GBE1: variants seen among roughly 807,000 people sequenced by gnomAD.
GBE1 encodes 1,4-alpha-glucan branching enzyme 1.
Under a neutral mutation model 88.8 loss-of-function variants are expected in GBE1, and 70 were observed. The ratio of observed to expected loss-of-function variants is 0.79; its 90% confidence interval spans 0.65 to 0.96. The LOEUF (loss-of-function observed/expected upper bound fraction) is 0.96. GBE1 is among the 40% of genes least tolerant of loss of function. GBE1 has a pLI of 0.00. For synonymous variants in GBE1, 284 were observed against 300.1 expected (o/e 0.95, Z 0.56); for missense variants, 872 against 871.0 (o/e 1.00, Z -0.01).
chr3:81,712,318 T>C (rs185010758), intron 1 of GBE1, among the ~76,000 whole-genome samples: 37 of 152,284 alleles, frequency 2.4e-4, no homozygotes, highest in Non-Finnish European at 4.1e-4. Flanking sequence ...ACCCAAAGGA[T>C]TATAAATCAT....
intron 14 of GBE1, among the ~76,000 whole-genome samples, chr3:81,502,007 T>C (rs1161887261): frequency 6.6e-6 from 1 of 151,812 alleles, no homozygotes; most frequent in Admixed American, 6.6e-5. Context: ...TTTTTTTTTT[T>C]TTTTCTCTTA....
At chr3:81,705,713 A>C (rs1261788273) in intron 1 of GBE1, 100 bp from the exon 2 acceptor site, 11 of 666,706 alleles carry the variant, frequency 1.6e-5, no homozygotes, top group African/African-American at 1.9e-5. Context: ...CAGGGAAAAA[A>C]AGACATTATT....
intron 7 of GBE1, chr3:81,612,220 TAAAAAAAAAAAA>T (rs11404629): frequency 4.5e-6 from 1 of 221,192 alleles, no homozygotes; most frequent in African/African-American, 3.2e-5. Context: ...CACGCTCCTT[TAAAAAAAAAAAA>T]AAAAAAAAAA....
At chr3:81,734,244 T>C (rs1284510576) in intron 1 of GBE1, among the ~76,000 whole-genome samples, 1 of 152,150 alleles carries the variant, frequency 6.6e-6, no homozygotes, top group East Asian at 1.9e-4. Context: ...GTTGAAAAAC[T>C]TCAATTAAAA....
chr3:81,669,163 T>G (rs893033078), intron 3 of GBE1, among the ~76,000 whole-genome samples: 20 of 152,164 alleles, frequency 1.3e-4, no homozygotes, highest in Admixed American at 1.3e-3. Flanking sequence ...CTAGAACATT[T>G]GAGGGTCACA....
intron 3 of GBE1, among the ~76,000 whole-genome samples, chr3:81,662,163 G>A (rs1705041474): frequency 6.6e-6 from 1 of 152,080 alleles, no homozygotes; most frequent in African/African-American, 2.4e-5. Context: ...CTACCGACTA[G>A]CTGGGATTAC....
intron 1 of GBE1, among the ~76,000 whole-genome samples, chr3:81,750,563 GTA>G (rs747771179): frequency 0.011 from 594 of 53,590 alleles, 49 homozygotes; most frequent in South Asian, 0.023. Flanking sequence ...ATATATATAT[GTA>G]TATATATATA....
intron 7 of GBE1, among the ~76,000 whole-genome samples, chr3:81,617,643 C>T (rs1226988526): frequency 6.6e-6 from 1 of 151,738 alleles, no homozygotes; most frequent in Non-Finnish European, 1.5e-5. Flanking sequence ...AAGAATTTTG[C>T]TCCTAATTCA....
chr3:81,489,796 A>G lies in GBE1; in HGVS notation c.*611T>C, dbSNP rs184604532. 6.6e-6 allele frequency: 1 copy of G among 152,312 alleles called. No individual in the cohort carries two copies. The highest frequency in any genetic ancestry group is 6.5e-5 in the Admixed American group (1 of 15,290). The allele number at this position is 152,312 out of a possible 1,614,324, so 9.4% of individuals were successfully genotyped here. On this transcript the variant is annotated 3_prime_UTR_variant, in exon 16 of 16. Transcript: ENST00000429644. ...GCTTCAGAAAGACTGAGATACTGGCATTTAACAAGATACTTAGTGGACAAG... is the reference window on the plus strand; with the variant it reads ...GCTTCAGAAAGACTGAGATACTGGCGTTTAACAAGATACTTAGTGGACAAG...
chr3:81,530,188 C>G (rs1015605743), intron 14 of GBE1, among the ~76,000 whole-genome samples: 5 of 151,770 alleles, frequency 3.3e-5, no homozygotes, highest in Non-Finnish European at 5.9e-5. Context: ...ATTTCAATCT[C>G]TCTGTTAAAT....
chr3:81,687,289 T>C (rs1705455444), intron 2 of GBE1, among the ~76,000 whole-genome samples: 1 of 152,090 alleles, frequency 6.6e-6, no homozygotes, highest in African/African-American at 2.4e-5. Flanking sequence ...ATGGAGAGGC[T>C]GAGGGGAAAA....
chr3:81,505,968 A>G (rs770005289), intron 14 of GBE1, among the ~76,000 whole-genome samples: 1 of 152,090 alleles, frequency 6.6e-6, no homozygotes, highest in African/African-American at 2.4e-5. Flanking sequence ...AAACTATAAA[A>G]ACCCTGAAAG....
At chr3:81,551,152 T>A (rs1703267668) in intron 12 of GBE1, among the ~76,000 whole-genome samples, 1 of 152,218 alleles carries the variant, frequency 6.6e-6, no homozygotes, top group Non-Finnish European at 1.5e-5. Flanking sequence ...AGTGGTCATA[T>A]GTTTAACTAT....
intron 7 of GBE1, among the ~76,000 whole-genome samples, chr3:81,594,866 T>A (rs1703935222): frequency 6.6e-6 from 1 of 151,962 alleles, no homozygotes; most frequent in African/African-American, 2.4e-5. Context: ...CTCTATCTTA[T>A]TATAACTGTG....
intron 7 of GBE1, among the ~76,000 whole-genome samples, chr3:81,626,065 G>T (rs1450356040): frequency 6.6e-6 from 1 of 152,142 alleles, no homozygotes; most frequent in African/African-American, 2.4e-5. Context: ...TAGTTTAGGG[G>T]CGGTAAGATT....
intron 2 of GBE1, among the ~76,000 whole-genome samples, chr3:81,699,719 T>C (rs2680248): frequency 0.016 from 2,399 of 152,252 alleles, 58 homozygotes; most frequent in African/African-American, 0.054. Context: ...GCTGATTATA[T>C]TGCGCCCACC....
intron 1 of GBE1, among the ~76,000 whole-genome samples, chr3:81,716,911 C>T (rs2107184407): frequency 6.6e-6 from 1 of 152,300 alleles, no homozygotes; most frequent in African/African-American, 2.4e-5. Context: ...AACGCTCACA[C>T]ATACACACAT....
chr3:81,707,230 C>A (rs1705790409), intron 1 of GBE1, among the ~76,000 whole-genome samples: 1 of 151,812 alleles, frequency 6.6e-6, no homozygotes, highest in Non-Finnish European at 1.5e-5. Flanking sequence ...GACAACCAGG[C>A]AGAAAAAGGC....
At chr3:81,617,698 C>A (rs1452500302) in intron 7 of GBE1, among the ~76,000 whole-genome samples, 1 of 151,700 alleles carries the variant, frequency 6.6e-6, no homozygotes, top group African/African-American at 2.4e-5. Context: ...CTATCTTTAT[C>A]TGGTTCTAAT....
Sources: gnomAD v4.1 joint callset for allele counts (sites outside exome capture counted in the v4.1 genomes callset) on GRCh38, gnomAD v4.1.1 for gene constraint, MANE v1.5 for transcripts, NCBI Gene and HGNC (gene_info 2026-07-23, HGNC 2026-07-21) for gene names.